The following GPR158 variants were observed in gnomAD, a reference collection of about 807,000 sequenced individuals.
GPR158 encodes the protein metabotropic glycine receptor.
GPR158 carries 30 observed loss-of-function variants against 78.2 expected under a neutral mutation model. That is an observed-to-expected ratio of 0.38 (90% CI 0.29 to 0.52). GPR158 has a LOEUF of 0.52. GPR158 is among the 20% of genes least tolerant of loss of function. The pLI, the probability that GPR158 is intolerant of heterozygous loss-of-function variation, is 0.83. For missense variants in GPR158, 1,463 were observed against 1,523.5 expected, an observed-to-expected ratio of 0.96 and a Z score of 0.66; for synonymous variants, 581 against 591.1, an observed-to-expected ratio of 0.98 and a Z score of 0.25.
At chr10:25,294,102 C>T (rs1267503755) in intron 2 of GPR158, among the ~76,000 whole-genome samples, 1 of 152,118 alleles carries the variant, frequency 6.6e-6, no homozygotes, top group African/African-American at 2.4e-5. Context: ...AATTAACTTT[C>T]TTTCATCTTG....
At chr10:25,483,403 ATTC>A (rs1012408594) in intron 5 of GPR158, among the ~76,000 whole-genome samples, 2 of 151,968 alleles carry the variant, frequency 1.3e-5, no homozygotes, top group Admixed American at 6.6e-5. Flanking sequence ...GCTAAAATAT[ATTC>A]TTCTTGATGA....
intron 2 of GPR158, among the ~76,000 whole-genome samples, chr10:25,311,901 A>G (rs1385849077): frequency 6.6e-6 from 1 of 152,038 alleles, no homozygotes; most frequent in African/African-American, 2.4e-5. Flanking sequence ...ATGCAAAGCT[A>G]GTGAGAAGAT....
chr10:25,448,478 A>G (rs2130598064), intron 4 of GPR158, among the ~76,000 whole-genome samples: 2 of 152,176 alleles, frequency 1.3e-5, no homozygotes, highest in South Asian at 2.1e-4. Context: ...AGGAGTATTT[A>G]CTTTATGAAT....
At chr10:25,206,517 AAAAC>A (rs1358108700) in intron 1 of GPR158, among the ~76,000 whole-genome samples, 4 of 152,186 alleles carry the variant, frequency 2.6e-5, no homozygotes, top group African/African-American at 4.8e-5. Context: ...AACCAAAAGA[AAAAC>A]AATTCTAATC....
intron 3 of GPR158, among the ~76,000 whole-genome samples, chr10:25,411,378 C>T (rs896820361): frequency 6.6e-6 from 1 of 152,150 alleles, no homozygotes; most frequent in African/African-American, 2.4e-5. Context: ...GCACACTGAA[C>T]AACTGTCAAT....
At chr10:25,361,330 C>T (rs932972986) in intron 2 of GPR158, among the ~76,000 whole-genome samples, 2 of 151,654 alleles carry the variant, frequency 1.3e-5, no homozygotes, top group Non-Finnish European at 2.9e-5. Flanking sequence ...CTTATTGTTT[C>T]ATTTGTTGAT....
At chr10:25,514,794 A>G (rs1588894065) in intron 5 of GPR158, among the ~76,000 whole-genome samples, 1 of 152,166 alleles carries the variant, frequency 6.6e-6, no homozygotes, top group Non-Finnish European at 1.5e-5. Flanking sequence ...CTGGATACAA[A>G]ATTCTTGGCT....
At chr10:25,401,194 G>A (rs546408765) in intron 3 of GPR158, among the ~76,000 whole-genome samples, 4 of 152,114 alleles carry the variant, frequency 2.6e-5, no homozygotes, top group South Asian at 2.1e-4. Context: ...AAACTTAGAC[G>A]GAATAGATTA....
At chr10:25,585,738 G>A (rs1450758197) in intron 7 of GPR158, among the ~76,000 whole-genome samples, 2 of 152,316 alleles carry the variant, frequency 1.3e-5, no homozygotes, top group Admixed American at 6.5e-5. Context: ...CAGCACTTTG[G>A]TAGGCCAAGG....
intron 2 of GPR158, among the ~76,000 whole-genome samples, chr10:25,236,623 G>C (rs1813157802): frequency 6.6e-6 from 1 of 152,032 alleles, no homozygotes; most frequent in Non-Finnish European, 1.5e-5. Flanking sequence ...TGCACATGCT[G>C]TTCCTTTGGA....
chr10:25,301,700 G>C lies in GPR158; in HGVS notation c.1008+80543G>C, dbSNP rs546008405. Reference sequence around the variant, plus strand: ...ACTGCAAATTGATACCTTTGACACAGATTTTTTTTTGAGATTCTAGAATAG... The same window carrying C: ...ACTGCAAATTGATACCTTTGACACACATTTTTTTTTGAGATTCTAGAATAG... On this transcript the variant is annotated intron_variant, in intron 2 of 10. Transcript: ENST00000376351. 2.5e-4 allele frequency among the ~76,000 whole-genome samples: 13 copies of C among 51,154 alleles called. No individual in the cohort carries two copies. In the East Asian group the frequency reaches 2.9e-3, roughly 11 times the overall value. The allele number at this position is 51,154 out of a possible 152,430, so 33.6% of individuals were successfully genotyped here. A position where few individuals can be genotyped will look rare whatever the true frequency, so the allele number is the denominator to read the frequency against.
intron 4 of GPR158, among the ~76,000 whole-genome samples, chr10:25,452,393 A>G (rs558941818): frequency 1.3e-5 from 2 of 152,268 alleles, no homozygotes; most frequent in East Asian, 1.9e-4. Flanking sequence ...TATCTCTTTT[A>G]TAGTCTTAAA....
At chr10:25,234,993 CT>C (rs34945835) in intron 2 of GPR158, among the ~76,000 whole-genome samples, 21,465 of 152,030 alleles carry the variant, frequency 0.14, 1,964 homozygotes, top group East Asian at 0.33. Flanking sequence ...TTCCAGAATT[CT>C]TTTTTTATCC....
chr10:25,406,812 T>A (rs1198242124), intron 3 of GPR158, among the ~76,000 whole-genome samples: 1 of 152,194 alleles, frequency 6.6e-6, no homozygotes, highest in African/African-American at 2.4e-5. Context: ...TCATGAAGTC[T>A]TTGTGTGAGA....
At chr10:25,510,105 G>T (rs543545641) in intron 5 of GPR158, among the ~76,000 whole-genome samples, 1 of 152,292 alleles carries the variant, frequency 6.6e-6, no homozygotes, top group East Asian at 1.9e-4. Context: ...GTGCAAGGAG[G>T]TAAGTAAGCA....
At chr10:25,177,099 G>C (rs1852547651) in intron 1 of GPR158, among the ~76,000 whole-genome samples, 1 of 152,158 alleles carries the variant, frequency 6.6e-6, no homozygotes, top group Non-Finnish European at 1.5e-5. Context: ...AGTTATATTC[G>C]GGAGGGAGGC....
chr10:25,228,669 T>C (rs1853406386), intron 2 of GPR158, among the ~76,000 whole-genome samples: 3 of 152,128 alleles, frequency 2.0e-5, no homozygotes, highest in South Asian at 2.1e-4. Flanking sequence ...CAGCCAATGT[T>C]TTTTTCCCCC....
chr10:25,295,004 C>T (rs1854491775), intron 2 of GPR158, among the ~76,000 whole-genome samples: 2 of 152,150 alleles, frequency 1.3e-5, no homozygotes. Flanking sequence ...AAGAAGAGGA[C>T]ATGGAAGTTG....
Position 25,284,398 on chromosome 10 carries a change from T to G in GPR158, c.1008+63241T>G, listed in dbSNP as rs574443956. ...TGTCTCTCTTTATGTATGGTATTGT[T>G]CCTGTTCTGAAGTCTACTTTTTCTG... is the stretch of plus-strand genomic sequence containing the variant. On this transcript the variant is annotated intron_variant, in intron 2 of 10. Coordinates refer to ENST00000376351, the MANE Select transcript of GPR158 (RefSeq NM_020752.3). Among the ~76,000 whole-genome samples, 12 of 152,220 alleles carry G rather than the reference T, an allele frequency of 7.9e-5. No homozygotes were observed. The East Asian group carries it at 1.9e-3, about 24-fold the overall frequency.
Sources: gnomAD v4.1 joint callset for allele counts (sites outside exome capture counted in the v4.1 genomes callset) on GRCh38, gnomAD v4.1.1 for gene constraint, MANE v1.5 for transcripts, NCBI Gene and HGNC (gene_info 2026-07-23, HGNC 2026-07-21) for gene names.